Variants in ZPLD1 observed in about 807,000 individuals in gnomAD.
ZPLD1 encodes zona pellucida like domain containing 1, also known as zona pellucida-like domain-containing protein 1.
In ZPLD1, 34 loss-of-function variants were observed where a neutral mutation model predicts 47.2. The ratio of observed to expected loss-of-function variants is 0.72; its 90% CI spans 0.55 to 0.96. The LOEUF (loss-of-function observed/expected upper bound fraction) is 0.96, where lower values mean the gene tolerates loss of function less well. Ranked by LOEUF, ZPLD1 falls within the 40% of genes least tolerant of loss-of-function variation. The pLI, the probability that ZPLD1 is intolerant of heterozygous loss-of-function variation, is 0.00. For synonymous variants in ZPLD1, 176 were observed against 186.2 expected (o/e 0.95, Z 0.45); for missense variants, 512 against 505.8 (o/e 1.01, Z -0.12).
Position 102,478,418 on chromosome 3 carries a change from T to G in ZPLD1, c.*800T>G, listed in dbSNP as rs1707790828. ...GCTGTGCTTCCAGCAGTGAGGTAACTATGCAAAGATTATTTTTAATTCAAG... is the reference window on the plus strand; with the variant it reads ...GCTGTGCTTCCAGCAGTGAGGTAACGATGCAAAGATTATTTTTAATTCAAG... On this transcript the variant is annotated 3_prime_UTR_variant, in exon 12 of 12. Coordinates refer to ENST00000466937, the MANE Select transcript of ZPLD1 (RefSeq NM_001329788.2). 6.6e-6 allele frequency: 1 copy of G among 151,060 alleles called. No homozygotes were observed. Among genetic ancestry groups the G allele is most frequent in the Non-Finnish European group, 1.5e-5 (1 of 67,628 alleles). 9.4% of individuals were successfully genotyped at this position (151,060 alleles called of 1,614,324 possible). A position where few individuals can be genotyped will look rare whatever the true frequency, so the allele number is the denominator to read the frequency against.
At chr3:102,413,167 T>C (rs1286349095) in intron 7 of ZPLD1, among the ~76,000 whole-genome samples, 1 of 151,804 alleles carries the variant, frequency 6.6e-6, no homozygotes, top group East Asian at 1.9e-4. Flanking sequence ...TAATTAATGA[T>C]TAAAATTAAA....
At chr3:102,477,137 A>T (rs952452243) in intron 11 of ZPLD1, 96 bp downstream of exon 11, 25 of 1,397,262 alleles carry the variant, frequency 1.8e-5, no homozygotes, top group Middle Eastern at 1.8e-4. Flanking sequence ...GAGTTTTCCA[A>T]GTTTGGTCCA....
chr3:102,431,785 T>C (rs1381490943), upstream of ZPLD1, among the ~76,000 whole-genome samples: 2 of 152,166 alleles, frequency 1.3e-5, no homozygotes, highest in African/African-American at 4.8e-5. Context: ...GGCGGTTGCC[T>C]GTAATCCCAG....
chr3:102,406,497 T>C (rs1181458728), intron 7 of ZPLD1, among the ~76,000 whole-genome samples: 1 of 151,994 alleles, frequency 6.6e-6, no homozygotes, highest in Admixed American at 6.6e-5. Flanking sequence ...GGAATTTGTC[T>C]ATACACCCTT....
chr3:102,417,960 G>T (rs568254727), intron 7 of ZPLD1: 2 of 152,460 alleles, frequency 1.3e-5, no homozygotes, highest in South Asian at 4.1e-4. Flanking sequence ...GATGAGCTCA[G>T]ATTTCATGGT....
intron 10 of ZPLD1, among the ~76,000 whole-genome samples, chr3:102,474,725 CT>C (rs1707733344): frequency 6.6e-6 from 1 of 152,156 alleles, no homozygotes; most frequent in Admixed American, 6.5e-5. Flanking sequence ...TTGTCTGCCA[CT>C]TCTGGCTTTC....
chr3:102,424,197 C>A (rs977204272), intron 8 of ZPLD1, among the ~76,000 whole-genome samples: 1 of 152,122 alleles, frequency 6.6e-6, no homozygotes, highest in Admixed American at 6.6e-5. Flanking sequence ...AGAGAAAACA[C>A]TATTGTTATA....
At chr3:102,455,568 G>A (rs1707400195) in intron 4 of ZPLD1, among the ~76,000 whole-genome samples, 1 of 152,076 alleles carries the variant, frequency 6.6e-6, no homozygotes. Flanking sequence ...ATCCTTTCTG[G>A]GGCCCAAAAT....
chr3:102,388,436 T>G (rs1706457832), intron 6 of ZPLD1, among the ~76,000 whole-genome samples: 1 of 139,518 alleles, frequency 7.2e-6, no homozygotes, highest in Admixed American at 7.1e-5. Context: ...GGAGTCTCTC[T>G]CTCTCTCTCT....
chr3:102,475,017 A>G (rs1270864811), intron 10 of ZPLD1, among the ~76,000 whole-genome samples: 2 of 151,904 alleles, frequency 1.3e-5, no homozygotes, highest in African/African-American at 4.8e-5. Context: ...GCAATAATAC[A>G]AAAATTGGAG....
intron 2 of ZPLD1, among the ~76,000 whole-genome samples, chr3:102,437,631 A>G (rs947211188): frequency 4.6e-5 from 7 of 152,246 alleles, no homozygotes; most frequent in Non-Finnish European, 7.3e-5. Context: ...TTCCTGAAAG[A>G]TGTTTTAACT....
rs773684594 is a variant in ZPLD1, at chr3:102,477,689, G to A, written c.*71G>A. On this transcript the variant is annotated 3_prime_UTR_variant, in exon 12 of 12. Coordinates refer to ENST00000466937, the MANE Select transcript of ZPLD1 (RefSeq NM_001329788.2). ...TATGTGTGACTGCAGTCAGTGTTCCGTCTGAATTTCATGTCAGTCCACATT... is the reference window on the plus strand; with the variant it reads ...TATGTGTGACTGCAGTCAGTGTTCCATCTGAATTTCATGTCAGTCCACATT... 67 of 1,375,246 alleles carry A rather than the reference G, an allele frequency of 4.9e-5. No homozygotes were observed. Among genetic ancestry groups the A allele is most frequent in the Middle Eastern group, 2.5e-4 (1 of 4,050 alleles). The allele number at this position is 1,375,246 out of a possible 1,614,324, so 85.2% of individuals were successfully genotyped here. A position where few individuals can be genotyped will look rare whatever the true frequency, so the allele number is the denominator to read the frequency against.
chr3:102,407,358 T>C (rs998881648), intron 7 of ZPLD1, among the ~76,000 whole-genome samples: 367 of 134,104 alleles, frequency 2.7e-3, no homozygotes, highest in African/African-American at 9.1e-3. Context: ...TTTAAAATTT[T>C]TATTTCAGGT....
At chr3:102,424,244 A>AT (rs1380801811) in intron 8 of ZPLD1, among the ~76,000 whole-genome samples, 6 of 152,150 alleles carry the variant, frequency 3.9e-5, no homozygotes, top group Admixed American at 6.5e-5. Context: ...GAATATACAT[A>AT]TTTTTTGCAT....
chr3:102,451,851 A>T, intron 3 of ZPLD1, among the ~76,000 whole-genome samples: 1 of 152,164 alleles, frequency 6.6e-6, no homozygotes, highest in East Asian at 1.9e-4. Context: ...ATTGAATTAC[A>T]GGTTCATTTT....
At position 102,457,799 on chromosome 3, in the gene ZPLD1, T is replaced by C. The variant is rs1707441502; in HGVS notation, c.528T>C (p.Ser176=). ...GTTTTAGGTCCTCAGCGGCTATTTC[T>C]GTGAGAGAGAACAATGGCACATTTG... The part of the protein sequence containing the change: ...TQLASSSAAI[S]VRENNGTFVS... The change falls in exon 6 of 12, where the codon TCT becomes TCC. Residue 176 remains serine (S), a synonymous_variant. Coordinates refer to ENST00000466937, the MANE Select transcript of ZPLD1 (RefSeq NM_001329788.2). 6.2e-7 allele frequency: 1 copy of C among 1,613,910 alleles called. No individual in the cohort carries two copies. The highest frequency in any genetic ancestry group is 1.3e-5 in the African/African-American group (1 of 74,920).
At chr3:102,393,267 A>G (rs932575972) in intron 7 of ZPLD1, among the ~76,000 whole-genome samples, 1 of 152,146 alleles carries the variant, frequency 6.6e-6, no homozygotes, top group African/African-American at 2.4e-5. Flanking sequence ...CCGGCCCAGA[A>G]GTATATTAAG....
intron 7 of ZPLD1, among the ~76,000 whole-genome samples, chr3:102,417,895 G>C (rs112896922): frequency 0.012 from 1,856 of 151,912 alleles, 18 homozygotes; most frequent in Non-Finnish European, 0.02. Context: ...GAAAAAAAGA[G>C]AAAGGGAATG....
intron 7 of ZPLD1, among the ~76,000 whole-genome samples, chr3:102,399,071 G>C (rs764788915): frequency 5.9e-5 from 9 of 152,024 alleles, no homozygotes; most frequent in Non-Finnish European, 1.2e-4. Flanking sequence ...TTTATCTCCA[G>C]AATCTTTCCC....
Sources: gnomAD v4.1 joint callset for allele counts (sites outside exome capture counted in the v4.1 genomes callset) on GRCh38, gnomAD v4.1.1 for gene constraint, MANE v1.5 for transcripts, NCBI Gene and HGNC (gene_info 2026-07-23, HGNC 2026-07-21) for gene names.